F13A1: variants seen among roughly 807,000 people sequenced by gnomAD.
F13A1 encodes FSF, A subunit.
In F13A1, 47 loss-of-function variants were observed where a neutral mutation model predicts 80.1. The observed-to-expected ratio is 0.59, with a 90% CI of 0.46 to 0.75. The LOEUF (loss-of-function observed/expected upper bound fraction) is 0.75, where lower values mean the gene tolerates loss of function less well. F13A1 is among the 30% of genes least tolerant of loss of function. F13A1 has a pLI of 0.00. For synonymous variants in F13A1, 349 were observed against 344.9 expected, an observed-to-expected ratio of 1.01 and a Z score of -0.13; for missense variants, 817 against 930.4, an observed-to-expected ratio of 0.88 and a Z score of 1.59.
In F13A1 at chr6:6,250,422, A is replaced by C. The variant is rs529677791; in HGVS notation, c.690+389T>G. On this transcript the variant is annotated intron_variant, in intron 5 of 14. Transcript: ENST00000264870. The surrounding 1 kb of genome is among the most constrained non-coding windows in gnomAD (Gnocchi z 4.2). ...CCTAGGCTAACACTTAAAAAAAAAA[A>C]AAAAGAAGCTATTTCTTTGAATTGG... is the stretch of plus-strand genomic sequence containing the variant. 6.6e-5 allele frequency among the ~76,000 whole-genome samples: 10 copies of C among 152,112 alleles called. 1 individual carries two copies. In the South Asian group the frequency reaches 2.1e-3, roughly 32 times the overall value.
chr6:6,179,724 C>T lies in F13A1; in HGVS notation c.1459+2264G>A, dbSNP rs1320184220. ...ACTCCAGCCCCGAAGCAGGATGAGT[C>T]GTCGCTTACAACCATCTATGTGGAT... On this transcript the variant is annotated intron_variant, in intron 11 of 14. Coordinates refer to ENST00000264870, the MANE Select transcript of F13A1 (RefSeq NM_000129.4). Among the ~76,000 whole-genome samples the T allele has an allele frequency of 1.3e-5, 2 of 152,176 alleles. 1 individual carries two copies. The highest frequency in any genetic ancestry group is 4.8e-5 in the African/African-American group (2 of 41,446).
intron 10 of F13A1, among the ~76,000 whole-genome samples, chr6:6,195,411 T>A (rs1761272203): frequency 2.0e-5 from 3 of 152,214 alleles, no homozygotes; most frequent in African/African-American, 7.2e-5. Flanking sequence ...CCTGGATTGC[T>A]GGACTAGTCC....
At chr6:6,145,842 A>G (rs990236491) in intron 14 of F13A1, 70 bp from the exon 15 acceptor site, 2 of 1,603,808 alleles carry the variant, frequency 1.2e-6, no homozygotes, top group Non-Finnish European at 1.7e-6. Flanking sequence ...AGCAATGAAA[A>G]CTCTTGCCTA....
intron 8 of F13A1, among the ~76,000 whole-genome samples, chr6:6,210,886 G>A (rs921097596): frequency 6.6e-5 from 10 of 152,052 alleles, no homozygotes; most frequent in Middle Eastern, 6.8e-3. Flanking sequence ...GCACCACCAC[G>A]CCCAGCTAAT....
rs1222088356 is a variant in F13A1 at position 6,269,252 on chromosome 6, G to C, written c.320-2443C>G. 2.0e-5 allele frequency among the ~76,000 whole-genome samples: 3 copies of C among 152,178 alleles called. No individual in the cohort carries two copies. In the Middle Eastern group the frequency reaches 0.01, roughly 518 times the overall value. On this transcript the variant is annotated intron_variant, in intron 3 of 14. Transcript: ENST00000264870. Reference sequence around the variant, plus strand: ...TCTTCTACAAAATGGAGATCATGGTGGTCATAGTTTGTGATGGGGAGGGCA... The same window carrying C: ...TCTTCTACAAAATGGAGATCATGGTCGTCATAGTTTGTGATGGGGAGGGCA...
At chr6:6,236,109 A>G (rs150406577) in intron 6 of F13A1, among the ~76,000 whole-genome samples, 1 of 152,278 alleles carries the variant, frequency 6.6e-6, no homozygotes, top group Non-Finnish European at 1.5e-5. Context: ...TCAATGTATA[A>G]TGACAGAAGG....
intron 3 of F13A1, among the ~76,000 whole-genome samples, chr6:6,280,991 T>C (rs1758052977): frequency 6.6e-6 from 1 of 152,148 alleles, no homozygotes; most frequent in Non-Finnish European, 1.5e-5. Context: ...TGGAGAATCC[T>C]CACTTTGGGA....
Position 6,298,618 on chromosome 6 carries a change from C to A in F13A1, c.319+6733G>T, listed in dbSNP as rs958600889. On this transcript the variant is annotated intron_variant, in intron 3 of 14. Transcript: ENST00000264870. ...TTTGCTTGGTAGATCTTCCTCCATC[C>A]TTTTATCTTGAGCCTATGTGTGTCT... Among the ~76,000 whole-genome samples, 2 of 149,458 alleles carry A rather than the reference C, an allele frequency of 1.3e-5. 1 individual carries two copies. Among genetic ancestry groups the A allele is most frequent in the African/African-American group, 5.1e-5 (2 of 38,966 alleles).
intron 13 of F13A1, among the ~76,000 whole-genome samples, chr6:6,158,038 C>T (rs545448397): frequency 2.1e-4 from 32 of 152,226 alleles, no homozygotes; most frequent in East Asian, 1.5e-3. Flanking sequence ...TTTGGTCCCA[C>T]GGCCACAATC....
intron 6 of F13A1, among the ~76,000 whole-genome samples, chr6:6,248,058 T>A (rs1008038508): frequency 6.6e-6 from 1 of 152,250 alleles, no homozygotes; most frequent in Non-Finnish European, 1.5e-5. Context: ...ATAACTGGTC[T>A]ACAGTATCAT....
intron 6 of F13A1, among the ~76,000 whole-genome samples, chr6:6,237,536 C>T (rs930872229): frequency 2.0e-5 from 3 of 152,100 alleles, no homozygotes; most frequent in South Asian, 2.1e-4. Flanking sequence ...ATGTTATTCT[C>T]GCTCCCTGGA....
intron 13 of F13A1, among the ~76,000 whole-genome samples, chr6:6,164,403 G>A (rs555679791): frequency 1.3e-5 from 2 of 151,948 alleles, no homozygotes; most frequent in South Asian, 4.2e-4. Flanking sequence ...TTAGTACCTG[G>A]GTGATGTAAC....
At chr6:6,214,179 C>T (rs1761676800) in intron 8 of F13A1, among the ~76,000 whole-genome samples, 1 of 142,312 alleles carries the variant, frequency 7.0e-6, no homozygotes, top group African/African-American at 2.7e-5. Context: ...CCAAGCGGAC[C>T]TAATAGACAT....
chr6:6,260,319 A>T (rs1280078104), intron 4 of F13A1, among the ~76,000 whole-genome samples: 1 of 152,202 alleles, frequency 6.6e-6, no homozygotes, highest in Admixed American at 6.5e-5. Flanking sequence ...CCTATCAATA[A>T]GTGCTGTGCA....
At chr6:6,281,862 G>A (rs766753771) in intron 3 of F13A1, among the ~76,000 whole-genome samples, 10 of 151,886 alleles carry the variant, frequency 6.6e-5, no homozygotes, top group Admixed American at 5.9e-4. Context: ...GCCTGGTGGC[G>A]GGCGCCTGTA....
intron 2 of F13A1, among the ~76,000 whole-genome samples, chr6:6,308,474 A>AG (rs1554105935): frequency 2.6e-5 from 4 of 151,792 alleles, no homozygotes; most frequent in African/African-American, 9.7e-5. Flanking sequence ...AAAAAAAAAA[A>AG]AGAGACCATT....
intron 8 of F13A1, among the ~76,000 whole-genome samples, chr6:6,199,669 C>T (rs1761357355): frequency 6.6e-6 from 1 of 152,094 alleles, no homozygotes; most frequent in Non-Finnish European, 1.5e-5. Context: ...TTGTGAAATC[C>T]TTTGATATCA....
chr6:6,245,270 T>C (rs111648553), intron 6 of F13A1, among the ~76,000 whole-genome samples: 9,480 of 152,254 alleles, frequency 0.062, 334 homozygotes, highest in Admixed American at 0.11. Flanking sequence ...AGTTTTACTC[T>C]TGAGTGCAAT....
At chr6:6,287,383 G>A (rs6906354) in intron 3 of F13A1, among the ~76,000 whole-genome samples, 41,805 of 152,066 alleles carry the variant, frequency 0.27, 6,726 homozygotes, top group African/African-American at 0.44. Flanking sequence ...AATGAGCCAC[G>A]TTTATGAATT....
Sources: gnomAD v4.1 joint callset for allele counts (sites outside exome capture counted in the v4.1 genomes callset) on GRCh38, gnomAD v4.1.1 for gene constraint, Gnocchi (gnomAD v3.1) non-coding constraint, MANE v1.5 for transcripts, NCBI Gene and HGNC (gene_info 2026-07-23, HGNC 2026-07-21) for gene names.